The following MICAL3 variants were observed in gnomAD, a reference collection of about 807,000 sequenced individuals.
MICAL3 encodes the protein [F-actin]-monooxygenase MICAL3.
In MICAL3, 62 loss-of-function variants were observed where a neutral mutation model predicts 207.4. The observed-to-expected ratio is 0.30, with a 90% CI of 0.24 to 0.37. MICAL3 has a LOEUF of 0.37. MICAL3 is among the 10% of genes least tolerant of loss of function. The pLI, the probability that MICAL3 is intolerant of heterozygous loss-of-function variation, is 1.00. For missense variants in MICAL3, 2,368 were observed against 2,635.6 expected, an observed-to-expected ratio of 0.90 and a Z score of 2.22; for synonymous variants, 1,077 against 1,069.3, an observed-to-expected ratio of 1.01 and a Z score of -0.14.
At chr22:17,945,963 C>A (rs1002293032) in intron 1 of MICAL3, among the ~76,000 whole-genome samples, 1 of 152,040 alleles carries the variant, frequency 6.6e-6, no homozygotes, top group African/African-American at 2.4e-5. Flanking sequence ...AGACACAGGC[C>A]CAGAGGGATC....
chr22:17,982,698 A>AACATG (rs1284268989), intron 1 of MICAL3, among the ~76,000 whole-genome samples: 4 of 150,280 alleles, frequency 2.7e-5, no homozygotes, highest in Non-Finnish European at 5.9e-5. Context: ...AACATAACAT[A>AACATG]ACATAACATA....
chr22:17,877,036 GGGAGGTTATGGAGGTT>G (rs1928629794), intron 16 of MICAL3, among the ~76,000 whole-genome samples: 3 of 52,056 alleles, frequency 5.8e-5, no homozygotes, highest in South Asian at 1.4e-3. Context: ...ATGGAGGTTA[GGGAGGTTATGGAGGTT>G]AGGGAGGTTA....
Position 17,895,432 on chromosome 22 carries a change from C to T in MICAL3, c.1323-22G>A, listed in dbSNP as rs368304476. The T allele has an allele frequency of 1.7e-5, 28 of 1,612,474 alleles. No individual in the cohort carries two copies. In the African/African-American group the frequency reaches 3.5e-4, roughly 20 times the overall value. On this transcript the variant is annotated intron_variant, in intron 9 of 31. Transcript: ENST00000441493. ...TTCCCTGCAATAACACAACAATATA[C>T]TCAGAATCGGGACCAGCACCATGAA...
At position 17,821,472 on chromosome 22, in the gene MICAL3, C is replaced by G. The variant is rs753200834; in HGVS notation, c.3486G>C (p.Gln1162His). 22 of 1,544,812 alleles carry G rather than the reference C, an allele frequency of 1.4e-5. No homozygotes were observed. The South Asian group carries it at 2.7e-4, about 19-fold the overall frequency. ...SQATSPIRSP[Q>H]ESALLFIPVH... ...CTGGAATGAACAGAAGAGCTGATTC[C>G]TGGGGAGACCGGATGGGGCTGGTGG... Residue 1162 changes from glutamine (Q) to histidine (H), a missense_variant, in exon 25 of 32, where the codon CAG becomes CAC. This residue lies in a region of MICAL3 where 1,770 missense variants were observed against 1,863.2 expected (regional missense o/e 0.95). Coordinates refer to ENST00000441493, the MANE Select transcript of MICAL3 (RefSeq NM_015241.3).
chr22:18,017,588 AG>A (rs1924143137), intron 1 of MICAL3, among the ~76,000 whole-genome samples: 1 of 141,762 alleles, frequency 7.1e-6, no homozygotes, highest in East Asian at 2.3e-4. Context: ...TTCATTTGAT[AG>A]AATTTTTTTT....
chr22:17,910,534 T>C (rs192689729), intron 1 of MICAL3, among the ~76,000 whole-genome samples: 3 of 152,192 alleles, frequency 2.0e-5, no homozygotes, highest in African/African-American at 7.2e-5. Flanking sequence ...GATTTCGACC[T>C]GCAGGGCACT....
chr22:17,944,719 T>A (rs961709823), intron 1 of MICAL3, among the ~76,000 whole-genome samples: 2 of 152,010 alleles, frequency 1.3e-5, no homozygotes, highest in Admixed American at 1.3e-4. Flanking sequence ...GGAAAGCAGG[T>A]GGGAGAAACC....
At chr22:17,903,776 A>G (rs1440129076) in intron 3 of MICAL3, among the ~76,000 whole-genome samples, 1 of 152,240 alleles carries the variant, frequency 6.6e-6, no homozygotes, top group Non-Finnish European at 1.5e-5. Context: ...CCAGCGTCTG[A>G]TAAATTGGCA....
At chr22:17,987,591 A>C (rs1436532471) in intron 1 of MICAL3, among the ~76,000 whole-genome samples, 4 of 152,194 alleles carry the variant, frequency 2.6e-5, no homozygotes, top group African/African-American at 7.2e-5. Context: ...ACCTGTATGG[A>C]ACAGCTGCCA....
chr22:17,982,732 A>ACAT (rs1556518800), intron 1 of MICAL3, among the ~76,000 whole-genome samples: 9 of 149,162 alleles, frequency 6.0e-5, no homozygotes, highest in African/African-American at 2.2e-4. Context: ...AACATAACAT[A>ACAT]AAAATAAAAT....
chr22:17,991,171 C>T (rs973564566), intron 1 of MICAL3, among the ~76,000 whole-genome samples: 3 of 152,184 alleles, frequency 2.0e-5, no homozygotes, highest in Non-Finnish European at 4.4e-5. Context: ...ATCCATGTGC[C>T]GCACCAACAG....
chr22:17,990,056 C>G (rs1409259412), intron 1 of MICAL3, among the ~76,000 whole-genome samples: 1 of 151,948 alleles, frequency 6.6e-6, no homozygotes, highest in African/African-American at 2.4e-5. Flanking sequence ...AAAAAGGGAC[C>G]AACGGATACA....
At chr22:17,830,836 C>T (rs537349826) in intron 21 of MICAL3, among the ~76,000 whole-genome samples, 17 of 152,340 alleles carry the variant, frequency 1.1e-4, no homozygotes, top group Admixed American at 6.5e-4. Flanking sequence ...CCCAACGGTG[C>T]GGTTCCTTCT....
intron 1 of MICAL3, among the ~76,000 whole-genome samples, chr22:17,928,088 G>A (rs2146310700): frequency 6.6e-6 from 1 of 152,266 alleles, no homozygotes; most frequent in South Asian, 2.1e-4. Flanking sequence ...ATAGCGTGGT[G>A]GACACATTCA....
chr22:17,997,836 T>A (rs1229499919), intron 1 of MICAL3, among the ~76,000 whole-genome samples: 1 of 152,046 alleles, frequency 6.6e-6, no homozygotes, highest in Non-Finnish European at 1.5e-5. Flanking sequence ...CACAGATTCC[T>A]GCAGATAAAC....
At position 17,789,949 on chromosome 22, in the gene MICAL3, C is replaced by G. The variant is rs925136541; in HGVS notation, c.*783G>C. 1.3e-5 allele frequency: 2 copies of G among 152,216 alleles called. No individual in the cohort carries two copies. The highest frequency in any genetic ancestry group is 2.9e-5 in the Non-Finnish European group (2 of 68,036). The allele number at this position is 152,216 out of a possible 1,614,324, so 9.4% of individuals were successfully genotyped here. A position where few individuals can be genotyped will look rare whatever the true frequency, so the allele number is the denominator to read the frequency against. ...CTCCTGTCCCGACATAAATGTGGAA[C>G]AGGGACAATGCCTGTCTGCCAACTG... On this transcript the variant is annotated 3_prime_UTR_variant, in exon 32 of 32. Transcript: ENST00000441493.
At chr22:17,904,941 G>C (rs908296691) in intron 2 of MICAL3, 102 bp from the exon 3 acceptor site, 1 of 861,828 alleles carries the variant, frequency 1.2e-6, no homozygotes, top group Admixed American at 2.1e-5. Context: ...CCCCGAAATA[G>C]GGCTATTCTC....
intron 1 of MICAL3, among the ~76,000 whole-genome samples, chr22:17,991,391 C>T (rs1463184701): frequency 6.6e-6 from 1 of 152,226 alleles, no homozygotes; most frequent in East Asian, 1.9e-4. Context: ...GGAATTGTTG[C>T]AAAATTCTTT....
intron 1 of MICAL3, among the ~76,000 whole-genome samples, chr22:17,943,362 C>A (rs965015700): frequency 6.6e-6 from 1 of 152,122 alleles, no homozygotes; most frequent in Admixed American, 6.5e-5. Flanking sequence ...CGGGGTTTCA[C>A]CATGTTGGCC....
Sources: gnomAD v4.1 joint callset for allele counts (sites outside exome capture counted in the v4.1 genomes callset) on GRCh38, gnomAD v4.1.1 for gene constraint, gnomAD v4.1.1 regional missense constraint, MANE v1.5 for transcripts, NCBI Gene and HGNC (gene_info 2026-07-23, HGNC 2026-07-21) for gene names.